PIP5K1C: variants seen among roughly 807,000 people sequenced by gnomAD.
PIP5K1C encodes phosphatidylinositol 4-phosphate 5-kinase type-1 gamma.
In PIP5K1C, 45 loss-of-function variants were observed where a neutral mutation model predicts 80.1. That is an observed-to-expected ratio of 0.56 (90% CI 0.44 to 0.72). PIP5K1C has a LOEUF of 0.72. Among genes scored for constraint, PIP5K1C ranks in the 30% least tolerant of loss-of-function variants. The pLI is 0.00. For synonymous variants in PIP5K1C, 498 were observed against 420.1 expected, an observed-to-expected ratio of 1.19 and a Z score of -2.27; for missense variants, 753 against 954.6, an observed-to-expected ratio of 0.79 and a Z score of 2.78.
chr19:3,642,080 C>A (rs944465168), intron 14 of PIP5K1C, among the ~76,000 whole-genome samples: 1 of 152,292 alleles, frequency 6.6e-6, no homozygotes, highest in South Asian at 2.1e-4. Flanking sequence ...CAGACCCTGC[C>A]CACCCTCCAG....
chr19:3,693,678 C>G (rs13346288), intron 1 of PIP5K1C, among the ~76,000 whole-genome samples: 40,707 of 152,126 alleles, frequency 0.27, 5,721 homozygotes, highest in African/African-American at 0.35. Flanking sequence ...CATCTGTAAA[C>G]AAAGACCCAG....
chr19:3,647,467 C>T, intron 9 of PIP5K1C, 81 bp from the exon 10 acceptor site: 2 of 1,198,668 alleles, frequency 1.7e-6, no homozygotes, highest in African/African-American at 1.5e-5. Flanking sequence ...CACTGTGCAC[C>T]CCCCAGGACA....
At chr19:3,697,907 C>T (rs1246398855) in intron 1 of PIP5K1C, among the ~76,000 whole-genome samples, 1 of 152,266 alleles carries the variant, frequency 6.6e-6, no homozygotes, top group African/African-American at 2.4e-5. Flanking sequence ...CATGGAGACG[C>T]CATTCAGGCC....
chr19:3,664,975 C>A, intron 2 of PIP5K1C, 61 bp from the exon 3 acceptor site: 1 of 1,318,538 alleles, frequency 7.6e-7, no homozygotes, highest in African/African-American at 1.4e-5. Context: ...GGACAGGGCA[C>A]GCTCTGAAAC....
At position 3,633,130 on chromosome 19, in the gene PIP5K1C, A is replaced by G. The variant is rs995090120; in HGVS notation, c.*37T>C. The G allele has an allele frequency of 1.3e-6, 1 of 748,832 alleles. No individual in the cohort carries two copies. The highest frequency in any genetic ancestry group is 1.7e-5 in the African/African-American group (1 of 58,568). 46.4% of individuals were successfully genotyped at this position (748,832 alleles called of 1,614,324 possible). Reference sequence around the variant, plus strand: ...CGCCTTCGGGGGCAGCCGGAGCAGAAGTGGAGCTCGGCTCTGGGTCGGGGG... The same window carrying G: ...CGCCTTCGGGGGCAGCCGGAGCAGAGGTGGAGCTCGGCTCTGGGTCGGGGG... On this transcript the variant is annotated 3_prime_UTR_variant, in exon 18 of 18. Transcript: ENST00000335312.
At position 3,653,307 on chromosome 19, in the gene PIP5K1C, G is replaced by A; in HGVS notation, c.904C>T (p.Leu302=). 6.2e-7 allele frequency: 1 copy of A among 1,608,662 alleles called. No individual in the cohort carries two copies. The highest frequency in any genetic ancestry group is 8.5e-7 in the Non-Finnish European group (1 of 1,179,910). The part of the protein sequence containing the change: ...ADTFSALVKT[L]QRDCLVLESF... Reference sequence around the variant, plus strand: ...GCCCTCACCAGGCAGTCCCGCTGCAGCGTCTTGACCAGGGCGCTGAAGGTG... The same window carrying A: ...GCCCTCACCAGGCAGTCCCGCTGCAACGTCTTGACCAGGGCGCTGAAGGTG... The change falls in exon 7 of 18, where the codon CTG becomes TTG. Residue 302 remains leucine (L), a synonymous_variant. Transcript: ENST00000335312.
intron 16 of PIP5K1C, among the ~76,000 whole-genome samples, chr19:3,638,212 T>C (rs1049567991): frequency 5.6e-4 from 86 of 152,252 alleles, no homozygotes; most frequent in African/African-American, 2.0e-3. Flanking sequence ...GTGGAGACGC[T>C]GCCTGGACAT....
chr19:3,639,061 A>G, intron 15 of PIP5K1C, 45 bp from the exon 16 acceptor site: 1 of 1,602,328 alleles, frequency 6.2e-7, no homozygotes, highest in Non-Finnish European at 8.5e-7. Flanking sequence ...CAGGCCCCAC[A>G]CGGAGACTCC....
At position 3,637,910 on chromosome 19, in the gene PIP5K1C, A is replaced by G; in HGVS notation, c.1920+974T>C. 1 of 1,535,326 alleles carries G rather than the reference A, an allele frequency of 6.5e-7. No homozygotes were observed. On this transcript the variant is annotated intron_variant, in intron 16 of 17. Coordinates refer to ENST00000335312, the MANE Select transcript of PIP5K1C (RefSeq NM_012398.3). This position sits in a 1 kb window ranked among gnomAD's most constrained non-coding sequence, Gnocchi z 7.0. ...GACGCGCACAAACCAGTCCCAGGAA[A>G]AGGGGTGACGACGTGCGGTGGGTAG...
chr19:3,646,517 G>A (rs2034220078), intron 10 of PIP5K1C, among the ~76,000 whole-genome samples: 1 of 152,128 alleles, frequency 6.6e-6, no homozygotes, highest in East Asian at 1.9e-4. Flanking sequence ...AGGCTGCAGT[G>A]GGAGGTGGTG....
intron 1 of PIP5K1C, among the ~76,000 whole-genome samples, chr19:3,695,555 G>A (rs577071756): frequency 6.6e-5 from 10 of 152,276 alleles, no homozygotes; most frequent in South Asian, 4.1e-4. Context: ...CAGGAGGGCC[G>A]GCCCCCGAGG....
chr19:3,659,807 A>G (rs2034769385), intron 5 of PIP5K1C, among the ~76,000 whole-genome samples: 1 of 152,096 alleles, frequency 6.6e-6, no homozygotes, highest in African/African-American at 2.4e-5. Flanking sequence ...CTTCCTACAG[A>G]CTGAGATAAA....
At chr19:3,656,698 G>A (rs2034646461) in intron 5 of PIP5K1C, 141 bp from the exon 6 acceptor site, 3 of 986,430 alleles carry the variant, frequency 3.0e-6, no homozygotes, top group South Asian at 2.7e-5. Flanking sequence ...CTCAGAGAGG[G>A]CGAGAGACTT....
intron 1 of PIP5K1C, among the ~76,000 whole-genome samples, chr19:3,694,758 C>T (rs2036049882): frequency 6.6e-6 from 1 of 152,250 alleles, no homozygotes; most frequent in African/African-American, 2.4e-5. Flanking sequence ...TGAGCCACAG[C>T]CCACCCTTAT....
chr19:3,666,074 TCCACCCGCG>T (rs1161573916), intron 2 of PIP5K1C, among the ~76,000 whole-genome samples: 1 of 152,000 alleles, frequency 6.6e-6, no homozygotes, highest in Non-Finnish European at 1.5e-5. Context: ...CGGGCCACCC[TCCACCCGCG>T]CCACCCTCCA....
intron 5 of PIP5K1C, among the ~76,000 whole-genome samples, chr19:3,657,593 G>C (rs994275237): frequency 2.6e-5 from 4 of 152,082 alleles, no homozygotes; most frequent in African/African-American, 7.2e-5. Flanking sequence ...ATAAACAGGT[G>C]GGGGGTGTCC....
chr19:3,666,028 G>A (rs1019075309), intron 2 of PIP5K1C, among the ~76,000 whole-genome samples: 6 of 152,126 alleles, frequency 3.9e-5, no homozygotes, highest in African/African-American at 1.4e-4. Context: ...GTGGCCGCCA[G>A]GGGGCAGGCT....
Position 3,656,385 on chromosome 19 carries a change from C to T in PIP5K1C, c.621+20G>A, listed in dbSNP as rs1297421354. On this transcript the variant is annotated intron_variant, in intron 6 of 17. Transcript: ENST00000335312. Reference sequence around the variant, plus strand: ...GGGGTTGACCGAGGAGCCATCTGCCCCGCAGGGCGGGCCACGCACCATGTA... The same window carrying T: ...GGGGTTGACCGAGGAGCCATCTGCCTCGCAGGGCGGGCCACGCACCATGTA... 6.2e-7 allele frequency: 1 copy of T among 1,612,852 alleles called. No individual in the cohort carries two copies. Among genetic ancestry groups the T allele is most frequent in the South Asian group, 1.1e-5 (1 of 91,074 alleles).
intron 3 of PIP5K1C, among the ~76,000 whole-genome samples, chr19:3,662,746 A>G (rs2034877114): frequency 6.6e-6 from 1 of 151,986 alleles, no homozygotes; most frequent in African/African-American, 2.4e-5. Flanking sequence ...TTGTATTTTT[A>G]GTAGAGACGG....
Sources: allele counts gnomAD v4.1 joint callset (sites outside exome capture counted in the v4.1 genomes callset), GRCh38; gene constraint gnomAD v4.1.1; non-coding constraint Gnocchi (gnomAD v3.1); transcripts MANE v1.5; gene names NCBI Gene and HGNC (gene_info 2026-07-23, HGNC 2026-07-21).